The following FBXL13 variants were observed in gnomAD, a reference collection of about 807,000 sequenced individuals.
The protein encoded by FBXL13 is F-box and leucine-rich repeat protein 13.
A neutral mutation model predicts 83.6 loss-of-function variants in FBXL13; 67 were observed. The ratio of observed to expected loss-of-function variants is 0.80; its 90% CI spans 0.66 to 0.98. FBXL13 has a LOEUF of 0.98. Ranked by LOEUF, FBXL13 falls within the 50% of genes least tolerant of loss-of-function variation. FBXL13 has a pLI of 0.00. For synonymous variants in FBXL13, 272 were observed against 299.5 expected, an observed-to-expected ratio of 0.91 and a Z score of 0.95; for missense variants, 822 against 866.5, an observed-to-expected ratio of 0.95 and a Z score of 0.64.
At chr7:103,067,357 G>A (rs990447697) in intron 1 of FBXL13, among the ~76,000 whole-genome samples, 1 of 151,984 alleles carries the variant, frequency 6.6e-6, no homozygotes, top group Admixed American at 6.5e-5. Context: ...ATGGTGTGGT[G>A]GCATTTTAAA....
At chr7:102,883,666 G>A in exon 13 of FBXL13, 1 of 1,607,318 alleles carries the variant, frequency 6.2e-7, no homozygotes, top group Non-Finnish European at 8.5e-7. Flanking sequence ...TGTAATACGA[G>A]AGCATTTTTC....
chr7:102,910,409 G>C (rs750016028), intron 11 of FBXL13, among the ~76,000 whole-genome samples: 12 of 151,732 alleles, frequency 7.9e-5, no homozygotes, highest in South Asian at 2.1e-4. Flanking sequence ...TTGTGTGTTG[G>C]GGGGAGGGGG....
At chr7:103,041,632 G>A (rs1442302538) in intron 2 of FBXL13, among the ~76,000 whole-genome samples, 1 of 152,144 alleles carries the variant, frequency 6.6e-6, no homozygotes, top group African/African-American at 2.4e-5. Flanking sequence ...CCACAATCAA[G>A]TTGGCTTCAT....
chr7:102,995,738 G>C (rs1789705001), intron 6 of FBXL13, among the ~76,000 whole-genome samples: 1 of 151,646 alleles, frequency 6.6e-6, no homozygotes, highest in Admixed American at 6.6e-5. Context: ...AGTGAGCTGA[G>C]ATGGCGCCAC....
chr7:102,821,506 A>G, intron 19 of FBXL13, among the ~76,000 whole-genome samples: 1 of 152,226 alleles, frequency 6.6e-6, no homozygotes, highest in East Asian at 1.9e-4. Flanking sequence ...TGCTTGAGCC[A>G]CATTGTACAC....
rs1022353577 is a variant in FBXL13 at position 103,066,548 on chromosome 7, C to T, written c.-105+7698G>A. 2.6e-5 allele frequency among the ~76,000 whole-genome samples: 4 copies of T among 151,974 alleles called. No individual in the cohort carries two copies. In the East Asian group the frequency reaches 5.8e-4, roughly 22 times the overall value. ...CTGGGACTACAGGCGCCCGCCATCA[C>T]GCCCAGCTAATTTTTTTTGTATTTT... On this transcript the variant is annotated intron_variant, in intron 1 of 19. Transcript: ENST00000313221.
chr7:103,046,191 A>G (rs2129494005), intron 2 of FBXL13, among the ~76,000 whole-genome samples: 1 of 152,114 alleles, frequency 6.6e-6, no homozygotes, highest in Admixed American at 6.5e-5. Context: ...CTGAATTTTT[A>G]TAATCTACGT....
At chr7:102,874,335 G>A in intron 16 of FBXL13, 1 of 985,356 alleles carries the variant, frequency 1.0e-6, no homozygotes, top group Non-Finnish European at 1.2e-6. Flanking sequence ...AGCTTCCTCA[G>A]CTGTTGTAGC....
chr7:102,940,204 AC>A lies in FBXL13; in HGVS notation c.725-8272del, dbSNP rs575464389. 4.4e-3 allele frequency among the ~76,000 whole-genome samples: 551 copies of A among 126,524 alleles called. 6 individuals are homozygous for A. Among genetic ancestry groups the A allele is most frequent in the African/African-American group, 0.016 (544 of 33,210 alleles). The allele number at this position is 126,524 out of a possible 152,430, so 83.0% of individuals were successfully genotyped here. On this transcript the variant is annotated intron_variant, in intron 8 of 19. Coordinates refer to ENST00000313221, the Ensembl canonical transcript of FBXL13. ...CCACCGCGCCTGGCCAAATGTAGTGACTTTTTTTGTTTGTTTTTTTTTTTGA... is the reference window on the plus strand; with the variant it reads ...CCACCGCGCCTGGCCAAATGTAGTGATTTTTTTGTTTGTTTTTTTTTTTGA...
At chr7:102,988,708 C>T (rs1004521818) in intron 6 of FBXL13, 1 of 152,190 alleles carries the variant, frequency 6.6e-6, no homozygotes, top group South Asian at 2.1e-4. Context: ...TCTTAAATGA[C>T]CTGGGTATCT....
At chr7:102,839,684 G>T (rs1802592599) in intron 17 of FBXL13, among the ~76,000 whole-genome samples, 1 of 152,096 alleles carries the variant, frequency 6.6e-6, no homozygotes, top group Admixed American at 6.5e-5. Context: ...TGACCTCAGG[G>T]ATCCGCCTGC....
At chr7:102,884,556 A>G (rs1458044845) in intron 11 of FBXL13, among the ~76,000 whole-genome samples, 1 of 152,172 alleles carries the variant, frequency 6.6e-6, no homozygotes, top group Admixed American at 6.5e-5. Context: ...GCATGCCTGT[A>G]GTCTCAGCAA....
At chr7:103,019,732 G>T (rs1792891475) in intron 6 of FBXL13, among the ~76,000 whole-genome samples, 1 of 152,112 alleles carries the variant, frequency 6.6e-6, no homozygotes. Flanking sequence ...AGAAGAAATG[G>T]ATAAATTCCT....
At chr7:102,867,678 TATATATATATATA>T (rs1807876196) in intron 16 of FBXL13, among the ~76,000 whole-genome samples, 1 of 76,774 alleles carries the variant, frequency 1.3e-5, no homozygotes, top group African/African-American at 9.1e-5. Flanking sequence ...CATATATATA[TATATATATATATA>T]TATATTTTTT....
chr7:102,919,167 C>G (rs1018959739), intron 10 of FBXL13, among the ~76,000 whole-genome samples: 5 of 152,188 alleles, frequency 3.3e-5, no homozygotes, highest in Non-Finnish European at 5.9e-5. Context: ...ATTATTTACA[C>G]CACAGAAATC....
At chr7:102,832,687 T>C (rs981186876) in intron 18 of FBXL13, among the ~76,000 whole-genome samples, 153 bp downstream of exon 19, 1 of 152,272 alleles carries the variant, frequency 6.6e-6, no homozygotes, top group East Asian at 1.9e-4. Context: ...AATCATAAGC[T>C]ATTTCCAATT....
At chr7:102,821,687 A>G (rs1798828655) in intron 19 of FBXL13, among the ~76,000 whole-genome samples, 1 of 152,188 alleles carries the variant, frequency 6.6e-6, no homozygotes, top group Non-Finnish European at 1.5e-5. Flanking sequence ...CAAGAGGCAA[A>G]AACTTGTGAG....
chr7:102,998,897 A>G (rs1358721702), intron 6 of FBXL13, among the ~76,000 whole-genome samples: 1 of 152,100 alleles, frequency 6.6e-6, no homozygotes, highest in Non-Finnish European at 1.5e-5. Context: ...CTCCTTCCCA[A>G]TTTGGATACC....
chr7:103,025,423 C>A (rs1367140438), intron 5 of FBXL13, among the ~76,000 whole-genome samples, 193 bp from the exon 7 acceptor site: 1 of 152,150 alleles, frequency 6.6e-6, no homozygotes, highest in Non-Finnish European at 1.5e-5. Flanking sequence ...TATTACAGAT[C>A]ATTTCCATTA....
Sources: allele counts gnomAD v4.1 joint callset (sites outside exome capture counted in the v4.1 genomes callset), GRCh38; gene constraint gnomAD v4.1.1; transcripts MANE v1.5; gene names NCBI Gene and HGNC (gene_info 2026-07-23, HGNC 2026-07-21).